The following EHHADH variants were observed in gnomAD, a reference collection of about 807,000 sequenced individuals.
EHHADH encodes the protein enoyl-CoA hydratase and 3-hydroxyacyl CoA dehydrogenase.
A neutral mutation model predicts 64.4 loss-of-function variants in EHHADH; 48 were observed. The observed-to-expected ratio is 0.75, with a 90% CI of 0.59 to 0.95. The LOEUF is 0.95. EHHADH is among the 40% of genes least tolerant of loss of function. EHHADH has a pLI of 0.00. For synonymous variants in EHHADH, 308 were observed against 326.7 expected (o/e 0.94, Z 0.62); for missense variants, 854 against 876.6 (o/e 0.97, Z 0.33).
Position 185,218,128 on chromosome 3 carries a change from C to A in EHHADH, c.568+8G>T. On this transcript the variant is annotated splice_region_variant and intron_variant, in intron 5 of 6. Coordinates refer to ENST00000231887, the MANE Select transcript of EHHADH (RefSeq NM_001966.4). ...AGTCTTTGGCTATTTTTATTATTAT[C>A]TTCTTACCTGAAACTCTCTGAGCAA... 6.3e-7 allele frequency: 1 copy of A among 1,586,680 alleles called. No homozygotes were observed. Among genetic ancestry groups the A allele is most frequent in the Non-Finnish European group, 8.6e-7 (1 of 1,162,786 alleles).
At chr3:185,213,317 C>T (rs569343627) in intron 5 of EHHADH, among the ~76,000 whole-genome samples, 5 of 152,024 alleles carry the variant, frequency 3.3e-5, no homozygotes, top group South Asian at 4.2e-4. Context: ...TCTTGGGCCC[C>T]ACCCCAGATT....
chr3:185,207,287 C>CA (rs34374992), intron 5 of EHHADH, among the ~76,000 whole-genome samples: 13,384 of 122,836 alleles, frequency 0.11, 745 homozygotes, highest in East Asian at 0.25. Context: ...GACCCCATTT[C>CA]AAAAAAAAAA....
chr3:185,226,096 T>TCTAA (rs1225663367), intron 4 of EHHADH, among the ~76,000 whole-genome samples: 2 of 152,126 alleles, frequency 1.3e-5, no homozygotes, highest in African/African-American at 2.4e-5. Context: ...CCCCAGCAAG[T>TCTAA]CTAACCACTT....
rs534588307 is a variant in EHHADH at position 185,243,200 on chromosome 3, C to G, written c.178+5214G>C. 4.7e-4 allele frequency among the ~76,000 whole-genome samples: 72 copies of G among 152,342 alleles called. 4 individuals are homozygous for G. In the South Asian group the frequency reaches 0.015, roughly 31 times the overall value. On this transcript the variant is annotated intron_variant, in intron 2 of 6. Coordinates refer to ENST00000231887, the MANE Select transcript of EHHADH (RefSeq NM_001966.4). The stretch of plus-strand genomic sequence containing the variant: ...CTCCCATTTCCGCAGTTTGGGCACT[C>G]ACAGTATTTGGGATGTCTCCTGTGT...
intron 1 of EHHADH, among the ~76,000 whole-genome samples, chr3:185,248,929 T>C (rs1719670294): frequency 6.6e-6 from 1 of 152,182 alleles, no homozygotes; most frequent in African/African-American, 2.4e-5. Context: ...GTAATAAAGG[T>C]ACAAAGAAAA....
chr3:185,196,029 T>C (rs535063322), intron 6 of EHHADH, among the ~76,000 whole-genome samples: 30 of 152,232 alleles, frequency 2.0e-4, no homozygotes, highest in Non-Finnish European at 3.7e-4. Context: ...TCTTATCTCC[T>C]CCTTAAGAGA....
intron 5 of EHHADH, among the ~76,000 whole-genome samples, chr3:185,210,663 A>C (rs1718517729): frequency 6.6e-6 from 1 of 151,924 alleles, no homozygotes; most frequent in African/African-American, 2.4e-5. Flanking sequence ...GGAATATTTA[A>C]AGGTGGGGCC....
intron 5 of EHHADH, among the ~76,000 whole-genome samples, chr3:185,206,299 T>A (rs1282587065): frequency 2.0e-5 from 3 of 150,344 alleles, no homozygotes; most frequent in Non-Finnish European, 3.0e-5. Flanking sequence ...AAAAAAAAAA[T>A]TTAGGTCCTT....
At chr3:185,234,805 A>G (rs1454590644) in intron 3 of EHHADH, among the ~76,000 whole-genome samples, 1 of 152,254 alleles carries the variant, frequency 6.6e-6, no homozygotes, top group Non-Finnish European at 1.5e-5. Context: ...ATGGAAGTGA[A>G]GTATTTGAAC....
intron 4 of EHHADH, among the ~76,000 whole-genome samples, chr3:185,225,455 A>T (rs1487628767): frequency 6.6e-6 from 1 of 152,038 alleles, no homozygotes; most frequent in Admixed American, 6.6e-5. Context: ...TTACATTGCC[A>T]CTACTCAGAT....
chr3:185,193,491 C>T lies in EHHADH; in HGVS notation c.911-4G>A, dbSNP rs1577351640. ...CCTCGGCCCATTGTTCCCAAGCCTGCAGATAAAAATCAAAGGAGAAAAAGA... is the reference window on the plus strand; with the variant it reads ...CCTCGGCCCATTGTTCCCAAGCCTGTAGATAAAAATCAAAGGAGAAAAAGA... On this transcript the variant is annotated splice_region_variant and splice_polypyrimidine_tract_variant and intron_variant, in intron 6 of 6. Transcript: ENST00000231887. 1 of 1,610,232 alleles carries T rather than the reference C, an allele frequency of 6.2e-7. No homozygotes were observed. The highest frequency in any genetic ancestry group is 2.2e-5 in the East Asian group (1 of 44,832).
At chr3:185,242,066 C>A (rs1719469278) in intron 2 of EHHADH, among the ~76,000 whole-genome samples, 1 of 152,150 alleles carries the variant, frequency 6.6e-6, no homozygotes, top group Non-Finnish European at 1.5e-5. Context: ...ATCAATAACT[C>A]ATCCCCTTTT....
intron 3 of EHHADH, among the ~76,000 whole-genome samples, chr3:185,232,531 C>T (rs9290813): frequency 0.66 from 100,116 of 151,898 alleles, 35,240 homozygotes; most frequent in Non-Finnish European, 0.79. Flanking sequence ...TCACTGCAAC[C>T]TCCGTCTCCT....
Position 185,204,149 on chromosome 3 carries a change from A to T in EHHADH, c.910+267T>A, listed in dbSNP as rs890208808. ...CTCTGTCTCAAAAAAAAAAAAAAAA[A>T]AAAAAAAAAGAATAAAACATTCCCA... On this transcript the variant is annotated intron_variant, in intron 6 of 6. Coordinates refer to ENST00000231887, the MANE Select transcript of EHHADH (RefSeq NM_001966.4). Among the ~76,000 whole-genome samples, 359 of 150,760 alleles carry T rather than the reference A, an allele frequency of 2.4e-3. 1 individual carries two copies. Among genetic ancestry groups the T allele is most frequent in the African/African-American group, 6.0e-3 (245 of 41,126 alleles).
chr3:185,205,680 G>C (rs1420550620), intron 5 of EHHADH, among the ~76,000 whole-genome samples: 1 of 152,150 alleles, frequency 6.6e-6, no homozygotes, highest in East Asian at 1.9e-4. Flanking sequence ...TCTGCTCAGT[G>C]AGAAATGGGA....
intron 1 of EHHADH, among the ~76,000 whole-genome samples, chr3:185,249,559 G>A (rs1056526934): frequency 6.6e-6 from 1 of 152,166 alleles, no homozygotes; most frequent in Non-Finnish European, 1.5e-5. Context: ...GGAATTCTCA[G>A]GAGATCTAGT....
At position 185,246,012 on chromosome 3, in the gene EHHADH, G is replaced by A. The variant is rs940756019; in HGVS notation, c.178+2402C>T. 17 of 1,397,900 alleles carry A rather than the reference G, an allele frequency of 1.2e-5. No individual in the cohort carries two copies. In the South Asian group the frequency reaches 2.0e-4, roughly 16 times the overall value. 86.6% of individuals were successfully genotyped at this position (1,397,900 alleles called of 1,614,324 possible). A position where few individuals can be genotyped will look rare whatever the true frequency, so the allele number is the denominator to read the frequency against. The stretch of plus-strand genomic sequence containing the variant: ...TCTTTTTTGCTATCTTCATCTTCTA[G>A]AGCTTCATCTTTCTCTAGTAGTTCA... On this transcript the variant is annotated intron_variant, in intron 2 of 6. Transcript: ENST00000231887.
rs1718321302 is a variant in EHHADH at position 185,204,412 on chromosome 3, T to C, written c.910+4A>G. The C allele has an allele frequency of 6.3e-7, 1 of 1,595,402 alleles. No individual in the cohort carries two copies. Among genetic ancestry groups the C allele is most frequent in the South Asian group, 1.1e-5 (1 of 88,688 alleles). On this transcript the variant is annotated splice_donor_region_variant and intron_variant, in intron 6 of 6. Transcript: ENST00000231887. ...GGATTCCATTCATTACCCCATGGTC[T>C]TACCAACAACACCAACTGAGGAGAC...
At chr3:185,206,617 C>G (rs916135918) in intron 5 of EHHADH, among the ~76,000 whole-genome samples, 8 of 151,882 alleles carry the variant, frequency 5.3e-5, no homozygotes, top group African/African-American at 1.9e-4. Flanking sequence ...TGTCTGAGCT[C>G]AGGAGTTCGA....
Sources: gnomAD v4.1 joint callset for allele counts (sites outside exome capture counted in the v4.1 genomes callset) on GRCh38, gnomAD v4.1.1 for gene constraint, MANE v1.5 for transcripts, NCBI Gene and HGNC (gene_info 2026-07-23, HGNC 2026-07-21) for gene names.